Variants in ARHGAP15 observed in about 807,000 individuals in gnomAD.
ARHGAP15 encodes the protein Rho GTPase activating protein 15.
Under a neutral mutation model 63.7 loss-of-function variants are expected in ARHGAP15, and 51 were observed. The ratio of observed to expected loss-of-function variants is 0.80; its 90% CI spans 0.64 to 1.01. The LOEUF is 1.01. Ranked by LOEUF, ARHGAP15 falls within the 50% of genes least tolerant of loss-of-function variation. ARHGAP15 has a pLI of 0.00. For synonymous variants in ARHGAP15, 191 were observed against 193.8 expected (o/e 0.99, Z 0.12); for missense variants, 560 against 564.6 (o/e 0.99, Z 0.08).
intron 6 of ARHGAP15, among the ~76,000 whole-genome samples, chr2:143,308,129 G>A (rs1683261839): frequency 6.6e-6 from 1 of 152,112 alleles, no homozygotes; most frequent in Non-Finnish European, 1.5e-5. Flanking sequence ...GTATAGCTGT[G>A]AGGTAGAGGA....
At chr2:143,227,369 A>G (rs984137727) in intron 4 of ARHGAP15, among the ~76,000 whole-genome samples, 2 of 152,220 alleles carry the variant, frequency 1.3e-5, no homozygotes, top group African/African-American at 2.4e-5. Flanking sequence ...TTTTGCGTCT[A>G]TTCTGTCCAA....
chr2:143,524,165 T>C (rs1451001974), intron 10 of ARHGAP15, among the ~76,000 whole-genome samples: 1 of 152,180 alleles, frequency 6.6e-6, no homozygotes, highest in African/African-American at 2.4e-5. Flanking sequence ...AGAAGGTCCT[T>C]AGCCTCAAAA....
At chr2:143,304,602 T>G (rs1211391770) in intron 6 of ARHGAP15, among the ~76,000 whole-genome samples, 2 of 151,962 alleles carry the variant, frequency 1.3e-5, no homozygotes, top group Admixed American at 1.3e-4. Context: ...TTAAAGTATA[T>G]AATAAAAAAG....
At chr2:143,201,505 C>T (rs983243550) in intron 2 of ARHGAP15, among the ~76,000 whole-genome samples, 4 of 151,960 alleles carry the variant, frequency 2.6e-5, no homozygotes, top group South Asian at 4.1e-4. Context: ...TCTTATTTCA[C>T]GTGTTCTCAC....
chr2:143,755,524 C>T (rs1352009735), intron 13 of ARHGAP15, among the ~76,000 whole-genome samples: 2 of 152,154 alleles, frequency 1.3e-5, no homozygotes, highest in African/African-American at 4.8e-5. Flanking sequence ...CACATCATGG[C>T]TTTTTGCATT....
chr2:143,649,364 T>C (rs918417717), intron 12 of ARHGAP15, among the ~76,000 whole-genome samples: 1 of 151,986 alleles, frequency 6.6e-6, no homozygotes, highest in East Asian at 1.9e-4. Context: ...AGGAAGTAAA[T>C]ATGGAAGTGC....
chr2:143,738,713 A>C (rs1236647541), intron 13 of ARHGAP15, among the ~76,000 whole-genome samples: 1 of 152,250 alleles, frequency 6.6e-6, no homozygotes, highest in Non-Finnish European at 1.5e-5. Flanking sequence ...TTCTTAATCC[A>C]TGAATTGACT....
At chr2:143,749,407 TTCTC>T (rs374026530) in intron 13 of ARHGAP15, among the ~76,000 whole-genome samples, 2 of 152,216 alleles carry the variant, frequency 1.3e-5, no homozygotes, top group African/African-American at 2.4e-5. Context: ...CTATGCATCC[TTCTC>T]TCTCTCTTTA....
At chr2:143,210,560 G>A (rs1028052312) in intron 3 of ARHGAP15, among the ~76,000 whole-genome samples, 6 of 152,042 alleles carry the variant, frequency 3.9e-5, no homozygotes, top group Non-Finnish European at 8.8e-5. Context: ...CCTAATATTT[G>A]AAAAATGGTT....
chr2:143,609,134 C>T (rs1456519478), intron 11 of ARHGAP15, among the ~76,000 whole-genome samples: 1 of 152,100 alleles, frequency 6.6e-6, no homozygotes, highest in Non-Finnish European at 1.5e-5. Context: ...CTTTCCTGCC[C>T]CCAAATTCAG....
chr2:143,750,429 G>A (rs573494584), intron 13 of ARHGAP15, among the ~76,000 whole-genome samples: 33 of 152,174 alleles, frequency 2.2e-4, no homozygotes, highest in Non-Finnish European at 3.4e-4. Flanking sequence ...CAGCAAAAAC[G>A]TAAATCAGTC....
intron 6 of ARHGAP15, among the ~76,000 whole-genome samples, chr2:143,320,631 C>T (rs1683976485): frequency 6.6e-6 from 1 of 151,894 alleles, no homozygotes; most frequent in Non-Finnish European, 1.5e-5. Flanking sequence ...AGATGCTGCT[C>T]CGGGAGAAAA....
chr2:143,297,527 A>G (rs1682692230), intron 6 of ARHGAP15, among the ~76,000 whole-genome samples: 1 of 151,930 alleles, frequency 6.6e-6, no homozygotes, highest in Non-Finnish European at 1.5e-5. Flanking sequence ...TTGTGTGGAA[A>G]AACATTTTAG....
chr2:143,561,289 A>T (rs1696008318), intron 11 of ARHGAP15, among the ~76,000 whole-genome samples: 1 of 152,166 alleles, frequency 6.6e-6, no homozygotes, highest in Admixed American at 6.5e-5. Context: ...CACCCTTTGA[A>T]AAAGGGACAA....
chr2:143,245,642 A>G (rs1694021964), intron 5 of ARHGAP15, among the ~76,000 whole-genome samples: 1 of 151,316 alleles, frequency 6.6e-6, no homozygotes, highest in Admixed American at 6.6e-5. Flanking sequence ...TTAAACGGGT[A>G]ATGAACATGG....
intron 11 of ARHGAP15, among the ~76,000 whole-genome samples, chr2:143,621,391 C>A (rs1698643323): frequency 1.3e-5 from 2 of 152,044 alleles, no homozygotes; most frequent in Middle Eastern, 3.4e-3. Flanking sequence ...GTTAGTTCAT[C>A]TTGAGGACTG....
At position 143,228,583 on chromosome 2, in the gene ARHGAP15, A is replaced by G; in HGVS notation, c.299A>G (p.Lys100Arg). Residue 100 changes from lysine to arginine, a missense_variant and splice_region_variant, in exon 5 of 14, where the codon AAA (lysine) becomes AGA (arginine). Coordinates refer to ENST00000295095, the MANE Select transcript of ARHGAP15 (RefSeq NM_018460.4). The stretch of plus-strand genomic sequence containing the variant: ...CCCTTTTATTTTTTTGTCCTAAGGA[A>G]AAACTGGTCTACTTCCTGGATTGTT... ...KIADGGKKLR[K>R]NWSTSWIVLS... The G allele has an allele frequency of 1.2e-6, 2 of 1,601,566 alleles. No individual in the cohort carries two copies. Among genetic ancestry groups the G allele is most frequent in the East Asian group, 2.3e-5 (1 of 44,408 alleles).
At chr2:143,275,850 C>A (rs1681521778) in intron 6 of ARHGAP15, among the ~76,000 whole-genome samples, 1 of 152,190 alleles carries the variant, frequency 6.6e-6, no homozygotes, top group South Asian at 2.1e-4. Context: ...TGTTTGACTT[C>A]CCAATGCTGA....
intron 10 of ARHGAP15, among the ~76,000 whole-genome samples, chr2:143,547,350 C>T: frequency 6.6e-6 from 1 of 151,828 alleles, no homozygotes; most frequent in East Asian, 1.9e-4. Flanking sequence ...AACTTTTTCC[C>T]CTTGTCTTTT....
Sources: allele counts gnomAD v4.1 joint callset (sites outside exome capture counted in the v4.1 genomes callset), GRCh38; gene constraint gnomAD v4.1.1; transcripts MANE v1.5; gene names NCBI Gene and HGNC (gene_info 2026-07-23, HGNC 2026-07-21).